OR5V1: variants seen among roughly 807,000 people sequenced by gnomAD.
OR5V1 encodes olfactory receptor family 5 subfamily V member 1.
For missense variants in OR5V1, 365 were observed against 371.5 expected (o/e 0.98, Z 0.14); for synonymous variants, 134 against 143.2 (o/e 0.94, Z 0.46).
rs369984958 is a variant in OR5V1 at position 29,355,587 on chromosome 6, C to G, written c.609G>C (p.Gly203=). The change falls in exon 2 of 2, where the codon GGG becomes GGC. Residue 203 remains glycine (G), a synonymous_variant. Transcript: ENST00000641768. ...GGAAAGGAGTCCAACCAATGAAGAC[C>G]CCAGTGGATAGCAGTGCCAACTCAT... is the stretch of plus-strand genomic sequence containing the variant. The part of the protein sequence containing the change: ...SVNELALLST[G]VFIGWTPFLC... 2.2e-4 allele frequency: 363 copies of G among 1,613,862 alleles called. 5 individuals are homozygous for G. In the South Asian group the frequency reaches 3.4e-3, roughly 15 times the overall value.
intron 1 of OR5V1, among the ~76,000 whole-genome samples, chr6:29,361,285 A>C (rs561431544): frequency 6.6e-6 from 1 of 152,326 alleles, no homozygotes; most frequent in South Asian, 2.1e-4. Flanking sequence ...GACTATGTGA[A>C]AAGACCAAAC....
At chr6:29,359,678 G>A (rs1448125645) in intron 1 of OR5V1, among the ~76,000 whole-genome samples, 1 of 152,162 alleles carries the variant, frequency 6.6e-6, no homozygotes, top group African/African-American at 2.4e-5. Flanking sequence ...GTGTGGCATC[G>A]CCTCACTCGG....
chr6:29,359,309 A>T (rs1450859959), intron 1 of OR5V1, among the ~76,000 whole-genome samples: 4 of 152,204 alleles, frequency 2.6e-5, no homozygotes, highest in Non-Finnish European at 5.9e-5. Flanking sequence ...CCACATTACA[A>T]GTAAAAAATT....
At chr6:29,358,979 G>T (rs976499592) in intron 1 of OR5V1, among the ~76,000 whole-genome samples, 3 of 152,114 alleles carry the variant, frequency 2.0e-5, no homozygotes, top group African/African-American at 7.2e-5. Flanking sequence ...TATGTGAGGT[G>T]GCAGATATGT....
intron 1 of OR5V1, among the ~76,000 whole-genome samples, chr6:29,362,818 G>C (rs1778634340): frequency 6.6e-6 from 1 of 151,974 alleles, no homozygotes; most frequent in African/African-American, 2.4e-5. Flanking sequence ...GAAAAATTTA[G>C]AGCACTAAAT....
chr6:29,357,126 A>G (rs1299581135), intron 1 of OR5V1, among the ~76,000 whole-genome samples: 1 of 152,206 alleles, frequency 6.6e-6, no homozygotes, highest in Non-Finnish European at 1.5e-5. Context: ...GCTATAGATC[A>G]TCAATCTGGA....
chr6:29,358,129 A>G (rs1313805463), intron 1 of OR5V1, among the ~76,000 whole-genome samples: 1 of 152,160 alleles, frequency 6.6e-6, no homozygotes, highest in Non-Finnish European at 1.5e-5. Context: ...AGTATTTCAC[A>G]TTACCACAAC....
Position 29,354,435 on chromosome 6 carries a change from A to G in OR5V1, c.*795T>C, listed in dbSNP as rs980359785. Reference sequence around the variant, plus strand: ...TTTTTTCTAAATTTAGTCATTATATAACTAAGACTTTTTATTCCCCATCAA... The same window carrying G: ...TTTTTTCTAAATTTAGTCATTATATGACTAAGACTTTTTATTCCCCATCAA... On this transcript the variant is annotated 3_prime_UTR_variant, in exon 2 of 2. Coordinates refer to ENST00000641768, the MANE Select transcript of OR5V1 (RefSeq NM_030876.6). 1 of 152,082 alleles carries G rather than the reference A, an allele frequency of 6.6e-6. No homozygotes were observed. The highest frequency in any genetic ancestry group is 1.5e-5 in the Non-Finnish European group (1 of 67,962). 9.4% of individuals were successfully genotyped at this position (152,082 alleles called of 1,614,324 possible).
At chr6:29,360,932 T>C (rs1778537788) in intron 1 of OR5V1, among the ~76,000 whole-genome samples, 1 of 152,160 alleles carries the variant, frequency 6.6e-6, no homozygotes, top group Non-Finnish European at 1.5e-5. Context: ...GGGCAGAGAA[T>C]GAGTTTGATG....
chr6:29,368,148 A>G (rs10456371), intron 1 of OR5V1, among the ~76,000 whole-genome samples: 55,233 of 152,030 alleles, frequency 0.36, 12,342 homozygotes, highest in Non-Finnish European at 0.49. Flanking sequence ...ATACTATCCA[A>G]TTTCTTACTA....
At chr6:29,367,958 T>C (rs933752419) in intron 1 of OR5V1, among the ~76,000 whole-genome samples, 4 of 152,194 alleles carry the variant, frequency 2.6e-5, no homozygotes, top group South Asian at 2.1e-4. Flanking sequence ...AGCTCAAGAA[T>C]GGCCTCTAAG....
rs751434163 is a variant in OR5V1, at chr6:29,356,081, A to T, written c.115T>A (p.Leu39Met). 1 of 1,613,844 alleles carries T rather than the reference A, an allele frequency of 6.2e-7. No homozygotes were observed. Among genetic ancestry groups the T allele is most frequent in the Non-Finnish European group, 8.5e-7 (1 of 1,179,932 alleles). Residue 39 changes from leucine (L) to methionine (M), a missense_variant, in exon 2 of 2, where the codon TTG becomes ATG. Physicochemically the swap from Leu to Met is conservative, Grantham distance 15. Coordinates refer to ENST00000641768, the MANE Select transcript of OR5V1 (RefSeq NM_030876.6). ...TIFFLTYFCT[L>M]GGNILIILTT... is the part of the protein sequence containing the mutation. ...AAGATAATTAATATATTTCCTCCCA[A>T]AGTACAGAAATAAGTCAGAAAGAAG...
intron 1 of OR5V1, among the ~76,000 whole-genome samples, chr6:29,359,218 C>G (rs190691064): frequency 6.6e-6 from 1 of 152,206 alleles, no homozygotes; most frequent in African/African-American, 2.4e-5. Flanking sequence ...CATAACCATT[C>G]AACAATCATT....
chr6:29,357,825 G>A (rs3129685), intron 1 of OR5V1, among the ~76,000 whole-genome samples: 145,382 of 152,258 alleles, frequency 0.95, 69,473 homozygotes, highest in East Asian at 1. Context: ...AAAATGCTCA[G>A]GGCCTAATTC....
intron 1 of OR5V1, among the ~76,000 whole-genome samples, chr6:29,359,891 T>C (rs1778487386): frequency 6.6e-6 from 1 of 152,118 alleles, no homozygotes; most frequent in South Asian, 2.1e-4. Flanking sequence ...GTTTTTTTCA[T>C]ACCCCAGTGG....
Position 29,356,399 on chromosome 6 carries a change from A to G in OR5V1, c.-82-122T>C, listed in dbSNP as rs1778311308. ...TACCATGCAACACAGATATAAATACATCCAATGTTTCACCTGCAGATCAAA... is the reference window on the plus strand; with the variant it reads ...TACCATGCAACACAGATATAAATACGTCCAATGTTTCACCTGCAGATCAAA... On this transcript the variant is annotated intron_variant, in intron 1 of 1. Transcript: ENST00000641768. 7 of 522,138 alleles carry G rather than the reference A, an allele frequency of 1.3e-5. No individual in the cohort carries two copies. In the East Asian group the frequency reaches 2.2e-4, roughly 16 times the overall value. The allele number at this position is 522,138 out of a possible 1,614,324, so 32.3% of individuals were successfully genotyped here.
chr6:29,358,107 T>A (rs1050152888), intron 1 of OR5V1, among the ~76,000 whole-genome samples: 2 of 152,076 alleles, frequency 1.3e-5, no homozygotes, highest in Admixed American at 1.3e-4. Flanking sequence ...GTTGAAAAAA[T>A]TCACATAATA....
chr6:29,355,302 T>C lies in OR5V1; in HGVS notation c.894A>G (p.Lys298=). Residue 298 remains lysine, a synonymous_variant, in exon 2 of 2, where the codon AAA becomes AAG. Coordinates refer to ENST00000641768, the MANE Select transcript of OR5V1 (RefSeq NM_030876.6). ...TGCTCCCTATAGTTTTGACAGCTTCTTTGATGTCCTTATTCCTCAATGTGT... is the reference window on the plus strand; with the variant it reads ...TGCTCCCTATAGTTTTGACAGCTTCCTTGATGTCCTTATTCCTCAATGTGT... ...IIYTLRNKDI[K]EAVKTIGSKW... 1 of 1,613,526 alleles carries C rather than the reference T, an allele frequency of 6.2e-7. No homozygotes were observed. The highest frequency in any genetic ancestry group is 1.1e-5 in the South Asian group (1 of 90,932).
chr6:29,363,056 A>G (rs1432282064), intron 1 of OR5V1, among the ~76,000 whole-genome samples: 1 of 152,188 alleles, frequency 6.6e-6, no homozygotes, highest in Admixed American at 6.5e-5. Context: ...TGCTAGCCAG[A>G]CTAGTAAAGA....
Sources: allele counts gnomAD v4.1 joint callset (sites outside exome capture counted in the v4.1 genomes callset), GRCh38; gene constraint gnomAD v4.1.1; transcripts MANE v1.5; gene names NCBI Gene and HGNC (gene_info 2026-07-23, HGNC 2026-07-21).